TAF3: variants seen among roughly 807,000 people sequenced by gnomAD.
TAF3 encodes transcription initiation factor TFIID subunit 3.
In TAF3, 7 loss-of-function variants were observed where a neutral mutation model predicts 80.6. The observed-to-expected ratio is 0.09, with a 90% CI of 0.05 to 0.16. The LOEUF is 0.16. TAF3 is among the 10% of genes least tolerant of loss of function. The probability of loss-of-function intolerance (pLI) is 1.00; values close to 1 mark genes in which losing one functional copy is unlikely to be tolerated. For missense variants in TAF3, 921 were observed against 1,140.2 expected, an observed-to-expected ratio of 0.81 and a Z score of 2.77; for synonymous variants, 444 against 446.1, an observed-to-expected ratio of 1.00 and a Z score of 0.06.
chr10:7,886,974 A>C (rs113368487), intron 2 of TAF3, among the ~76,000 whole-genome samples: 3,286 of 152,148 alleles, frequency 0.022, 124 homozygotes, highest in African/African-American at 0.074. Flanking sequence ...GGTGGCTTAC[A>C]CCTGTAATCC....
At chr10:7,941,006 T>C (rs1207097386) in intron 2 of TAF3, among the ~76,000 whole-genome samples, 1 of 150,952 alleles carries the variant, frequency 6.6e-6, no homozygotes, top group African/African-American at 2.4e-5. Flanking sequence ...CAATATAAAA[T>C]ACAGAAGTGG....
rs1023914754 is a variant in TAF3 at position 7,854,697 on chromosome 10, A to G, written c.409+30137A>G. Among the ~76,000 whole-genome samples, 9 of 152,026 alleles carry G rather than the reference A, an allele frequency of 5.9e-5. No homozygotes were observed. The South Asian group carries it at 1.9e-3, about 32-fold the overall frequency. On this transcript the variant is annotated intron_variant, in intron 2 of 6. Coordinates refer to ENST00000344293, the MANE Select transcript of TAF3 (RefSeq NM_031923.4). Reference sequence around the variant, plus strand: ...GGGGAGCTTCACTAGGAAATCAGGAAGCTAGGGAAGAAAATATGTGCATGT... The same window carrying G: ...GGGGAGCTTCACTAGGAAATCAGGAGGCTAGGGAAGAAAATATGTGCATGT...
intron 2 of TAF3, among the ~76,000 whole-genome samples, chr10:7,836,193 C>T (rs1487655511): frequency 1.3e-5 from 2 of 152,098 alleles, no homozygotes; most frequent in Non-Finnish European, 2.9e-5. Context: ...TTTGAACCCC[C>T]ATCTGTATGC....
intron 2 of TAF3, among the ~76,000 whole-genome samples, chr10:7,925,748 G>A (rs1290297418): frequency 2.9e-5 from 4 of 137,172 alleles, no homozygotes; most frequent in South Asian, 4.5e-4. Context: ...GCAGTGAGCC[G>A]AGATTGTGCC....
At chr10:7,854,359 T>G (rs764805882) in intron 2 of TAF3, among the ~76,000 whole-genome samples, 2 of 152,206 alleles carry the variant, frequency 1.3e-5, no homozygotes, top group Non-Finnish European at 2.9e-5. Context: ...AAGGAATTAT[T>G]TGCCCCAAAA....
intron 2 of TAF3, among the ~76,000 whole-genome samples, chr10:7,885,942 G>A (rs1316755515): frequency 1.3e-5 from 2 of 151,756 alleles, no homozygotes; most frequent in Non-Finnish European, 2.9e-5. Flanking sequence ...TTTTAATTAC[G>A]TTTTTTGAGA....
intron 4 of TAF3, among the ~76,000 whole-genome samples, chr10:7,989,103 A>G (rs1285587189): frequency 1.3e-5 from 2 of 152,172 alleles, no homozygotes; most frequent in South Asian, 2.1e-4. Context: ...TGATCTACCA[A>G]GATTTCAACC....
intron 2 of TAF3, among the ~76,000 whole-genome samples, chr10:7,913,874 A>G (rs1178560125): frequency 2.6e-5 from 4 of 152,262 alleles, no homozygotes; most frequent in African/African-American, 9.6e-5. Context: ...CACAGCAGAT[A>G]GAGATTAAGT....
At chr10:7,892,313 G>A (rs1357850989) in intron 2 of TAF3, among the ~76,000 whole-genome samples, 1 of 152,216 alleles carries the variant, frequency 6.6e-6, no homozygotes, top group Non-Finnish European at 1.5e-5. Context: ...AGCATGCTCA[G>A]TGTGGGTGAG....
intron 2 of TAF3, among the ~76,000 whole-genome samples, chr10:7,924,221 A>G (rs541727327): frequency 1.9e-4 from 29 of 152,332 alleles, no homozygotes; most frequent in African/African-American, 6.5e-4. Context: ...TGGAAAGCCA[A>G]AACTTCTTTT....
intron 4 of TAF3, among the ~76,000 whole-genome samples, chr10:7,981,727 G>A (rs1297741038): frequency 2.6e-5 from 4 of 152,082 alleles, no homozygotes; most frequent in South Asian, 2.1e-4. Context: ...ATCAGCCCTC[G>A]TCCTAACAAA....
chr10:7,875,643 G>A (rs2131149683), intron 2 of TAF3, among the ~76,000 whole-genome samples: 1 of 152,226 alleles, frequency 6.6e-6, no homozygotes, highest in South Asian at 2.1e-4. Flanking sequence ...TGGTCCTAAT[G>A]CAATATTAAG....
Position 7,844,400 on chromosome 10 carries a change from C to T in TAF3, c.409+19840C>T, listed in dbSNP as rs1342444298. On this transcript the variant is annotated intron_variant, in intron 2 of 6. Transcript: ENST00000344293. ...GTTCTTTTTTTTTTTTTTTTTGAGA[C>T]GGAGTCTTGCTCTGTCACCAGGCTG... Among the ~76,000 whole-genome samples, 12 of 129,970 alleles carry T rather than the reference C, an allele frequency of 9.2e-5. No individual in the cohort carries two copies. The South Asian group carries it at 9.9e-4, about 11-fold the overall frequency. 85.3% of individuals were successfully genotyped at this position (129,970 alleles called of 152,430 possible).
At chr10:7,884,423 G>A (rs1288156774) in intron 2 of TAF3, among the ~76,000 whole-genome samples, 1 of 125,168 alleles carries the variant, frequency 8.0e-6, no homozygotes, top group African/African-American at 2.8e-5. Flanking sequence ...TTTTGCTTTT[G>A]TTGCCCAGGT....
At chr10:7,897,181 A>G (rs1222176900) in intron 2 of TAF3, among the ~76,000 whole-genome samples, 1 of 152,186 alleles carries the variant, frequency 6.6e-6, no homozygotes, top group Admixed American at 6.5e-5. Flanking sequence ...GTGCATCATC[A>G]TCCTGGGAGC....
chr10:8,008,884 A>G (rs1266880546), intron 4 of TAF3, among the ~76,000 whole-genome samples, 194 bp from the exon 5 acceptor site: 1 of 152,250 alleles, frequency 6.6e-6, no homozygotes, highest in Admixed American at 6.5e-5. Flanking sequence ...GGAAGTTTGG[A>G]AAATGAAAAA....
chr10:7,823,438 C>T (rs7099384), intron 1 of TAF3, among the ~76,000 whole-genome samples: 1,588 of 151,700 alleles, frequency 0.01, 26 homozygotes, highest in African/African-American at 0.037. Context: ...CAAAACCAGC[C>T]TGAGCAACAT....
chr10:7,957,034 A>C (rs1265970241), intron 2 of TAF3, among the ~76,000 whole-genome samples: 1 of 152,204 alleles, frequency 6.6e-6, no homozygotes, highest in African/African-American at 2.4e-5. Context: ...ATCAATTATA[A>C]CACATAATTT....
chr10:7,859,260 CAATAAATAAATAAATAAATA>C (rs145110594), intron 2 of TAF3, among the ~76,000 whole-genome samples: 23,590 of 134,246 alleles, frequency 0.18, 2,330 homozygotes, highest in East Asian at 0.43. Context: ...GACTCCATCT[CAATAAATAAATAAATAAATA>C]AATAAATAAA....
Sources: allele counts gnomAD v4.1 joint callset (sites outside exome capture counted in the v4.1 genomes callset), GRCh38; gene constraint gnomAD v4.1.1; transcripts MANE v1.5; gene names NCBI Gene and HGNC (gene_info 2026-07-23, HGNC 2026-07-21).